Variants in IPO9 observed in about 807,000 individuals in gnomAD.
The protein encoded by IPO9 is importin 9.
Under a neutral mutation model 128.6 loss-of-function variants are expected in IPO9, and 28 were observed. The ratio of observed to expected loss-of-function variants is 0.22; its 90% CI spans 0.16 to 0.30. The LOEUF is 0.30. Among genes scored for constraint, IPO9 ranks in the 10% least tolerant of loss-of-function variants. IPO9 has a pLI of 1.00. For missense variants in IPO9, 935 were observed against 1,293.9 expected (o/e 0.72, Z 4.26); for synonymous variants, 455 against 475.8 (o/e 0.96, Z 0.57).
intron 1 of IPO9, among the ~76,000 whole-genome samples, chr1:201,843,951 AAAT>A (rs1328148159): frequency 3.3e-5 from 5 of 152,102 alleles, no homozygotes; most frequent in Non-Finnish European, 7.4e-5. Flanking sequence ...ATATTGTAAT[AAAT>A]AAAGGAGAAG....
intron 6 of IPO9, among the ~76,000 whole-genome samples, chr1:201,853,749 A>G (rs114987866): frequency 6.6e-6 from 1 of 151,876 alleles, no homozygotes; most frequent in African/African-American, 2.4e-5. Context: ...GAATTTATTT[A>G]TTTATTTAGA....
intron 1 of IPO9, among the ~76,000 whole-genome samples, chr1:201,842,878 T>C (rs1680057792): frequency 6.6e-6 from 1 of 152,214 alleles, no homozygotes; most frequent in African/African-American, 2.4e-5. Flanking sequence ...TACCATTTCA[T>C]GAGTTTGATA....
chr1:201,872,836 C>A lies in IPO9; in HGVS notation c.2585C>A (p.Ala862Glu). ...TGGATCTTCCTTGCCAGCTCTGTGG[C>A]ACTCTGTAAGCTGCTCCAGCATGGC... ...GQYEGKVSSV[A>E]LCKLLQHGIN... Residue 862 changes from alanine (A) to glutamate (E), a missense_variant, in exon 20 of 24, where the codon GCA becomes GAA. Transcript: ENST00000361565. 6.2e-7 allele frequency: 1 copy of A among 1,611,144 alleles called. No individual in the cohort carries two copies. Among genetic ancestry groups the A allele is most frequent in the Non-Finnish European group, 8.5e-7 (1 of 1,178,800 alleles).
intron 1 of IPO9, among the ~76,000 whole-genome samples, chr1:201,833,227 ATTTT>A (rs5780090): frequency 2.7e-5 from 4 of 147,410 alleles, no homozygotes; most frequent in Non-Finnish European, 4.5e-5. Flanking sequence ...TCCTGGAATG[ATTTT>A]TTTTTTTTTT....
rs564347682 is a variant in IPO9, at chr1:201,835,916, C to G, written c.163+6544C>G. On this transcript the variant is annotated intron_variant, in intron 1 of 23. Transcript: ENST00000361565. ...CACAAGGTCAGGAGATCAAGACCATCCTGGCTAACATGGTGAAACCCCATC... is the reference window on the plus strand; with the variant it reads ...CACAAGGTCAGGAGATCAAGACCATGCTGGCTAACATGGTGAAACCCCATC... Among the ~76,000 whole-genome samples the G allele has an allele frequency of 8.9e-4, 135 of 152,090 alleles. 2 individuals are homozygous for G. In the South Asian group the frequency reaches 0.027, roughly 31 times the overall value.
intron 1 of IPO9, among the ~76,000 whole-genome samples, chr1:201,840,768 A>G (rs1680020983): frequency 6.6e-6 from 1 of 152,206 alleles, no homozygotes. Flanking sequence ...GCTGAAAAAA[A>G]GCAAAGTGCA....
intron 16 of IPO9, 151 bp downstream of exon 16, chr1:201,868,947 T>C: frequency 9.6e-6 from 12 of 1,255,732 alleles, no homozygotes; most frequent in Non-Finnish European, 1.3e-5. Flanking sequence ...TGGGTGATTC[T>C]CTGAAGCTTT....
In IPO9 at chr1:201,868,677, A is replaced by G. The variant is rs1680597655; in HGVS notation, c.1885A>G (p.Ile629Val). The G allele has an allele frequency of 1.9e-6, 3 of 1,613,980 alleles. No homozygotes were observed. The highest frequency in any genetic ancestry group is 1.1e-5 in the South Asian group (1 of 91,006). Residue 629 changes from isoleucine to valine, a missense_variant, in exon 16 of 24, where the codon ATC becomes GTC. This residue lies in a region of IPO9 where 741 missense variants were observed against 1,019.1 expected (regional missense o/e 0.73). Transcript: ENST00000361565. ...CGTCGTCGCCTCACTGGCTCAGGAC[A>G]TCTTCAAGGAGCTGTCCCAGATTGA... is the stretch of plus-strand genomic sequence containing the variant. ...DPVVASLAQD[I>V]FKELSQIEAC...
chr1:201,849,917 T>C lies in IPO9; in HGVS notation c.514+1323T>C, dbSNP rs372150508. On this transcript the variant is annotated intron_variant, in intron 4 of 23. Transcript: ENST00000361565. ...AGGTGATTTCACACACCCCTCTGCA[T>C]GGAATTGGCCTTTTAGGATTCTTTA... Among the ~76,000 whole-genome samples, 7 of 152,312 alleles carry C rather than the reference T, an allele frequency of 4.6e-5. No individual in the cohort carries two copies. The East Asian group carries it at 1.2e-3, about 25-fold the overall frequency.
intron 17 of IPO9, among the ~76,000 whole-genome samples, chr1:201,869,931 G>C (rs1188244602): frequency 6.6e-6 from 1 of 152,214 alleles, no homozygotes; most frequent in Non-Finnish European, 1.5e-5. Context: ...TGGATACCAA[G>C]CACCCTGCCC....
intron 1 of IPO9, among the ~76,000 whole-genome samples, chr1:201,842,555 C>T (rs1680053516): frequency 6.6e-6 from 1 of 152,138 alleles, no homozygotes; most frequent in African/African-American, 2.4e-5. Flanking sequence ...AGCTTATTAG[C>T]ATACAAAAAG....
intron 10 of IPO9, 88 bp from the exon 11 acceptor site, chr1:201,857,008 A>G: frequency 1.1e-6 from 1 of 888,154 alleles, no homozygotes; most frequent in Non-Finnish European, 1.9e-6. Context: ...TTTTTTCAGG[A>G]TAATAGGTTG....
chr1:201,883,793 T>C lies in IPO9; in HGVS notation c.*7739T>C, dbSNP rs749957316. 6.6e-6 allele frequency: 1 copy of C among 152,246 alleles called. No homozygotes were observed. The highest frequency in any genetic ancestry group is 1.5e-5 in the Non-Finnish European group (1 of 68,042). 9.4% of individuals were successfully genotyped at this position (152,246 alleles called of 1,614,324 possible). On this transcript the variant is annotated 3_prime_UTR_variant, in exon 24 of 24. Transcript: ENST00000361565. ...TTTCTTCCACACCTGATTTTGTGATTGCAAATTCATAACTAATATCCCTCG... is the reference window on the plus strand; with the variant it reads ...TTTCTTCCACACCTGATTTTGTGATCGCAAATTCATAACTAATATCCCTCG...
intron 15 of IPO9, 124 bp from the exon 16 acceptor site, chr1:201,868,524 A>T: frequency 2.1e-6 from 2 of 960,860 alleles, no homozygotes; most frequent in African/African-American, 3.3e-5. Context: ...GGTCCCGGGT[A>T]TGTGATAAGT....
At position 201,870,861 on chromosome 1, in the gene IPO9, A is replaced by G; in HGVS notation, c.2409+3A>G. ...CAGAGACGCTCAGTGTCATGCAGGT[A>G]AGAGAGCAGTGGGGAGTGGGCTTCC... is the stretch of plus-strand genomic sequence containing the variant. On this transcript the variant is annotated splice_donor_region_variant and intron_variant, in intron 18 of 23. Transcript: ENST00000361565. The surrounding 1 kb of genome is among the most constrained non-coding windows in gnomAD (Gnocchi z 4.9). 1.2e-6 allele frequency: 2 copies of G among 1,605,356 alleles called. No individual in the cohort carries two copies. Among genetic ancestry groups the G allele is most frequent in the Non-Finnish European group, 1.7e-6 (2 of 1,173,982 alleles).
At chr1:201,829,917 A>G (rs1679800423) in intron 1 of IPO9, among the ~76,000 whole-genome samples, 1 of 152,346 alleles carries the variant, frequency 6.6e-6, no homozygotes, top group Admixed American at 6.5e-5. Context: ...CAGAAATTAA[A>G]TGCATATGCG....
chr1:201,838,565 G>C (rs916731209), intron 1 of IPO9, among the ~76,000 whole-genome samples: 11 of 152,124 alleles, frequency 7.2e-5, no homozygotes, highest in African/African-American at 2.7e-4. Context: ...AGTATCTGTA[G>C]GGGGATTGTG....
chr1:201,866,129 C>T (rs1173371731), intron 14 of IPO9, among the ~76,000 whole-genome samples: 1 of 152,090 alleles, frequency 6.6e-6, no homozygotes, highest in Non-Finnish European at 1.5e-5. Context: ...ACTGATGTCC[C>T]ACGAAAATAT....
intron 13 of IPO9, among the ~76,000 whole-genome samples, chr1:201,860,003 C>T (rs1402705013): frequency 2.0e-5 from 3 of 151,954 alleles, no homozygotes; most frequent in East Asian, 1.9e-4. Flanking sequence ...CGATTTCTTC[C>T]GCAATACAGA....
Sources: gnomAD v4.1 joint callset for allele counts (sites outside exome capture counted in the v4.1 genomes callset) on GRCh38, gnomAD v4.1.1 for gene constraint, gnomAD v4.1.1 regional missense constraint, Gnocchi (gnomAD v3.1) non-coding constraint, MANE v1.5 for transcripts, NCBI Gene and HGNC (gene_info 2026-07-23, HGNC 2026-07-21) for gene names.